Variants in BICD1 observed in about 807,000 individuals in gnomAD.
BICD1 encodes the protein protein bicaudal D homolog 1.
In BICD1, 35 loss-of-function variants were observed where a neutral mutation model predicts 92.5. The observed-to-expected ratio is 0.38, with a 90% CI of 0.29 to 0.50. The LOEUF is 0.50. Among genes scored for constraint, BICD1 ranks in the 20% least tolerant of loss-of-function variants. BICD1 has a pLI of 0.93. For missense variants in BICD1, 950 were observed against 1,189.8 expected, an observed-to-expected ratio of 0.80 and a Z score of 2.97; for synonymous variants, 429 against 465.1, an observed-to-expected ratio of 0.92 and a Z score of 1.00.
At chr12:32,147,745 A>C (rs1382910645) in intron 1 of BICD1, among the ~76,000 whole-genome samples, 1 of 152,236 alleles carries the variant, frequency 6.6e-6, no homozygotes, top group Non-Finnish European at 1.5e-5. Flanking sequence ...GAAAATAGAC[A>C]CTTAAAGTTC....
chr12:32,297,478 G>A (rs1947907756), intron 3 of BICD1, among the ~76,000 whole-genome samples: 1 of 152,072 alleles, frequency 6.6e-6, no homozygotes, highest in South Asian at 2.1e-4. Context: ...TTACAGGCAT[G>A]AGCCACCATG....
chr12:32,192,865 G>A (rs574238080), intron 1 of BICD1, among the ~76,000 whole-genome samples: 1 of 152,338 alleles, frequency 6.6e-6, no homozygotes, highest in Admixed American at 6.5e-5. Flanking sequence ...AGAATTAGAA[G>A]TGAAGCCTGA....
chr12:32,259,558 G>A (rs1946803965), intron 2 of BICD1, among the ~76,000 whole-genome samples: 1 of 152,158 alleles, frequency 6.6e-6, no homozygotes, highest in South Asian at 2.1e-4. Context: ...CATCATTCTG[G>A]CAGCTTCTGT....
chr12:32,302,893 T>TTTC (rs1430342930), intron 3 of BICD1, among the ~76,000 whole-genome samples: 1 of 151,346 alleles, frequency 6.6e-6, no homozygotes, highest in African/African-American at 2.4e-5. Flanking sequence ...TTTTTTTTTT[T>TTTC]TTTTGCCTTA....
chr12:32,248,820 G>C (rs899465101), intron 2 of BICD1, among the ~76,000 whole-genome samples: 1 of 152,196 alleles, frequency 6.6e-6, no homozygotes, highest in South Asian at 2.1e-4. Context: ...GTCTGGAAAA[G>C]CAGGTTGTTG....
intron 1 of BICD1, among the ~76,000 whole-genome samples, chr12:32,201,758 T>A (rs770367083): frequency 2.0e-5 from 3 of 152,088 alleles, no homozygotes; most frequent in Non-Finnish European, 2.9e-5. Context: ...AAAAATAGTT[T>A]ACCTATATTT....
chr12:32,294,220 A>G (rs1447151087), intron 3 of BICD1, 74 bp downstream of exon 3: 1 of 1,365,228 alleles, frequency 7.3e-7, no homozygotes. Flanking sequence ...AAATCTCCAA[A>G]CTTGTCAGAA....
At chr12:32,357,839 A>C (rs542784320) in intron 8 of BICD1, among the ~76,000 whole-genome samples, 1 of 152,284 alleles carries the variant, frequency 6.6e-6, no homozygotes, top group African/African-American at 2.4e-5. Flanking sequence ...CACCTCTTGT[A>C]AAGGTCCTGT....
intron 1 of BICD1, among the ~76,000 whole-genome samples, chr12:32,191,672 A>ATATGCAAT (rs1491131770): frequency 6.8e-6 from 1 of 146,042 alleles, no homozygotes; most frequent in African/African-American, 2.6e-5. Flanking sequence ...TGTTATATAT[A>ATATGCAAT]ATATATATTA....
At chr12:32,256,250 A>T (rs1316202164) in intron 2 of BICD1, among the ~76,000 whole-genome samples, 1 of 152,032 alleles carries the variant, frequency 6.6e-6, no homozygotes, top group Non-Finnish European at 1.5e-5. Flanking sequence ...GGTTTTTGCT[A>T]TGTTGCCCAG....
At chr12:32,211,490 T>C (rs574602917) in intron 1 of BICD1, among the ~76,000 whole-genome samples, 4 of 152,220 alleles carry the variant, frequency 2.6e-5, no homozygotes, top group African/African-American at 9.6e-5. Context: ...GTACAATTTT[T>C]GAAAACTTTA....
At chr12:32,340,884 T>C (rs1938340013) in intron 8 of BICD1, among the ~76,000 whole-genome samples, 1 of 152,216 alleles carries the variant, frequency 6.6e-6, no homozygotes, top group South Asian at 2.1e-4. Flanking sequence ...GCATTCAGCT[T>C]CTCATCTATT....
At chr12:32,144,654 C>T (rs927414891) in intron 1 of BICD1, among the ~76,000 whole-genome samples, 1 of 152,164 alleles carries the variant, frequency 6.6e-6, no homozygotes. Context: ...TTCATTAATC[C>T]AGGCAGGTTA....
chr12:32,283,359 ACCACT>A lies in BICD1; in HGVS notation c.427-10604_427-10600del, dbSNP rs10672753. On this transcript the variant is annotated intron_variant, in intron 2 of 9. Transcript: ENST00000652176. ...GTCTTGCTCAGAGTCTGGGCATTTG[ACCACT>A]CCACTCCACTCCACTCCACTCCACT... is the stretch of plus-strand genomic sequence containing the variant. 7.5e-3 allele frequency among the ~76,000 whole-genome samples: 1,123 copies of A among 149,548 alleles called. 4 individuals carry two copies. Among genetic ancestry groups the A allele is most frequent in the Middle Eastern group, 0.017 (5 of 290 alleles).
intron 2 of BICD1, among the ~76,000 whole-genome samples, chr12:32,227,187 G>A (rs1324661156): frequency 6.6e-6 from 1 of 152,248 alleles, no homozygotes; most frequent in Non-Finnish European, 1.5e-5. Flanking sequence ...CGGGGAGCAC[G>A]GCTGAGCAGC....
intron 2 of BICD1, among the ~76,000 whole-genome samples, chr12:32,289,671 C>G (rs1394400506): frequency 1.3e-5 from 2 of 152,256 alleles, no homozygotes; most frequent in Non-Finnish European, 2.9e-5. Flanking sequence ...GCGTAAGCCA[C>G]CGCACCCAGC....
chr12:32,187,036 G>C (rs1412880340), intron 1 of BICD1, among the ~76,000 whole-genome samples: 2 of 152,072 alleles, frequency 1.3e-5, no homozygotes, highest in Non-Finnish European at 2.9e-5. Context: ...TTCTTCTATG[G>C]TGAGTTTATG....
intron 1 of BICD1, among the ~76,000 whole-genome samples, chr12:32,162,606 A>G (rs1041043952): frequency 1.3e-5 from 2 of 152,228 alleles, no homozygotes; most frequent in Admixed American, 6.5e-5. Context: ...TAATTCATCA[A>G]TAGAGGTTAG....
intron 1 of BICD1, among the ~76,000 whole-genome samples, chr12:32,181,044 A>G (rs1353732879): frequency 2.6e-5 from 4 of 151,898 alleles, no homozygotes; most frequent in Non-Finnish European, 4.4e-5. Context: ...ATTACTTTTT[A>G]TAGTAGAACC....
Sources: gnomAD v4.1 joint callset for allele counts (sites outside exome capture counted in the v4.1 genomes callset) on GRCh38, gnomAD v4.1.1 for gene constraint, MANE v1.5 for transcripts, NCBI Gene and HGNC (gene_info 2026-07-23, HGNC 2026-07-21) for gene names.